The following DDC variants were observed in gnomAD, a reference collection of about 807,000 sequenced individuals.
DDC encodes dopa decarboxylase, also known as aromatic-L-amino-acid decarboxylase.
DDC carries 43 observed loss-of-function variants against 60.0 expected under a neutral mutation model. The ratio of observed to expected loss-of-function variants is 0.72; its 90% confidence interval spans 0.56 to 0.92. DDC has a LOEUF of 0.92. Among genes scored for constraint, DDC ranks in the 40% least tolerant of loss-of-function variants. The probability of loss-of-function intolerance (pLI) is 0.00; values close to 1 mark genes in which losing one functional copy is unlikely to be tolerated. For synonymous variants in DDC, 232 were observed against 234.6 expected (o/e 0.99, Z 0.10); for missense variants, 573 against 620.2 (o/e 0.92, Z 0.81).
chr7:50,509,796 CTT>C (rs2043498373), intron 6 of DDC, among the ~76,000 whole-genome samples: 1 of 152,054 alleles, frequency 6.6e-6, no homozygotes, highest in African/African-American at 2.4e-5. Context: ...TATAAAGAAA[CTT>C]TTGGTATAAA....
At chr7:50,482,908 A>C (rs2042800759) in intron 9 of DDC, among the ~76,000 whole-genome samples, 2 of 152,192 alleles carry the variant, frequency 1.3e-5, no homozygotes, top group Non-Finnish European at 2.9e-5. Context: ...TTTTATTAAT[A>C]ATACTTTGAG....
chr7:50,528,038 A>C, intron 6 of DDC, 99 bp downstream of exon 6: 1 of 1,394,822 alleles, frequency 7.2e-7, no homozygotes, highest in Non-Finnish European at 9.8e-7. Flanking sequence ...CTGGGATTAC[A>C]AGAATGCGCC....
intron 6 of DDC, among the ~76,000 whole-genome samples, chr7:50,516,221 A>G (rs2043724793): frequency 6.6e-6 from 1 of 152,230 alleles, no homozygotes; most frequent in Non-Finnish European, 1.5e-5. Flanking sequence ...AAATTATATC[A>G]GGCACTCTCT....
chr7:50,527,814 C>T (rs766139712), intron 6 of DDC: 3 of 293,578 alleles, frequency 1.0e-5, no homozygotes, highest in Admixed American at 9.4e-5. Context: ...TAACTTTGAG[C>T]CATGTCAGTT....
At chr7:50,463,742 A>G (rs1053810927) in intron 13 of DDC, among the ~76,000 whole-genome samples, 4 of 152,190 alleles carry the variant, frequency 2.6e-5, no homozygotes, top group Non-Finnish European at 5.9e-5. Context: ...CAAATATATG[A>G]GCTTAAACAG....
intron 1 of DDC, among the ~76,000 whole-genome samples, chr7:50,564,911 T>C (rs2045398229): frequency 6.6e-6 from 1 of 152,162 alleles, no homozygotes; most frequent in Admixed American, 6.5e-5. Context: ...AGGTAGATAC[T>C]AAGAAAATCC....
intron 9 of DDC, chr7:50,492,897 T>C (rs1225399619): frequency 6.3e-7 from 1 of 1,594,266 alleles, no homozygotes; most frequent in South Asian, 1.1e-5. Flanking sequence ...CCTCGGGGCA[T>C]CAGCTCTGCG....
At chr7:50,494,648 TTAC>T (rs1218409461) in intron 9 of DDC, among the ~76,000 whole-genome samples, 1 of 150,842 alleles carries the variant, frequency 6.6e-6, no homozygotes, top group East Asian at 1.9e-4. Flanking sequence ...GGAAACATGG[TTAC>T]TATTATTTTT....
At chr7:50,486,274 G>A (rs560538628) in intron 9 of DDC, among the ~76,000 whole-genome samples, 4 of 152,190 alleles carry the variant, frequency 2.6e-5, no homozygotes, top group African/African-American at 9.6e-5. Context: ...GTTGCTTTGC[G>A]TGCATGCACT....
chr7:50,524,649 TA>T (rs1369848527), intron 6 of DDC, among the ~76,000 whole-genome samples: 1 of 152,098 alleles, frequency 6.6e-6, no homozygotes, highest in African/African-American at 2.4e-5. Flanking sequence ...ATGGATAAAA[TA>T]AAAAATAGTG....
intron 14 of DDC, among the ~76,000 whole-genome samples, chr7:50,462,226 C>CAAAAAAAAAA (rs11410259): frequency 6.4e-3 from 484 of 75,376 alleles, no homozygotes; most frequent in East Asian, 0.011. Context: ...GACAAAAAGA[C>CAAAAAAAAAA]AAAAAAAAAA....
chr7:50,528,108 C>T (rs1159920145), intron 6 of DDC, 29 bp downstream of exon 6: 1 of 1,611,164 alleles, frequency 6.2e-7, no homozygotes, highest in East Asian at 2.2e-5. Context: ...ACCTTATTGG[C>T]CAGGAGCCAC....
chr7:50,528,450 C>G (rs2044102266), intron 5 of DDC, among the ~76,000 whole-genome samples, 170 bp from the exon 6 acceptor site: 1 of 152,148 alleles, frequency 6.6e-6, no homozygotes, highest in African/African-American at 2.4e-5. Context: ...TCATGAGACC[C>G]CTTTTTTCCT....
intron 1 of DDC, among the ~76,000 whole-genome samples, chr7:50,563,725 G>A (rs1007976291): frequency 3.3e-5 from 5 of 151,952 alleles, no homozygotes; most frequent in African/African-American, 1.2e-4. Context: ...CCTCAGCCTC[G>A]TAAGTAGCTG....
At chr7:50,551,128 A>G (rs1335195377) in intron 1 of DDC, among the ~76,000 whole-genome samples, 2 of 152,094 alleles carry the variant, frequency 1.3e-5, no homozygotes, top group Non-Finnish European at 2.9e-5. Flanking sequence ...TATATTGCCA[A>G]ATTTTCCCCT....
intron 4 of DDC, among the ~76,000 whole-genome samples, chr7:50,530,655 C>T (rs1291713681): frequency 2.7e-5 from 4 of 150,618 alleles, no homozygotes; most frequent in Admixed American, 1.3e-4. Context: ...AGTGAGCCCA[C>T]GCCTGCGCTT....
At chr7:50,512,749 C>T (rs1156840803) in intron 6 of DDC, among the ~76,000 whole-genome samples, 1 of 152,228 alleles carries the variant, frequency 6.6e-6, no homozygotes, top group Non-Finnish European at 1.5e-5. Flanking sequence ...CCTTATCCAA[C>T]TGAAGTGACT....
intron 6 of DDC, among the ~76,000 whole-genome samples, chr7:50,524,630 T>G (rs567048997): frequency 6.6e-6 from 1 of 152,164 alleles, no homozygotes; most frequent in Non-Finnish European, 1.5e-5. Flanking sequence ...TTAATGCATA[T>G]CTATCAAAAT....
At chr7:50,484,786 A>G (rs2042846437) in intron 9 of DDC, among the ~76,000 whole-genome samples, 1 of 152,190 alleles carries the variant, frequency 6.6e-6, no homozygotes, top group Admixed American at 6.5e-5. Flanking sequence ...GATCAGGAAA[A>G]GGACCCTTGT....
Sources: allele counts gnomAD v4.1 joint callset (sites outside exome capture counted in the v4.1 genomes callset), GRCh38; gene constraint gnomAD v4.1.1; transcripts MANE v1.5; gene names NCBI Gene and HGNC (gene_info 2026-07-23, HGNC 2026-07-21).